SCNN1B: variants seen among roughly 807,000 people sequenced by gnomAD.
The protein encoded by SCNN1B is epithelial sodium channel subunit beta.
Under a neutral mutation model 65.3 loss-of-function variants are expected in SCNN1B, and 46 were observed. The observed-to-expected ratio is 0.70, with a 90% CI of 0.56 to 0.90. The LOEUF is 0.90. Among genes scored for constraint, SCNN1B ranks in the 40% least tolerant of loss-of-function variants. The pLI is 0.00. For synonymous variants in SCNN1B, 349 were observed against 330.6 expected (o/e 1.06, Z -0.60); for missense variants, 751 against 830.5 (o/e 0.90, Z 1.18).
chr16:23,292,017 C>T (rs1369364621), intron 2 of SCNN1B, among the ~76,000 whole-genome samples: 1 of 151,912 alleles, frequency 6.6e-6, no homozygotes, highest in Non-Finnish European at 1.5e-5. Flanking sequence ...TCACGCCCCA[C>T]ATCCAATTCT....
chr16:23,360,761 AATTTTTGGTTTTTG>A (rs1236386546), intron 4 of SCNN1B, among the ~76,000 whole-genome samples: 1 of 150,548 alleles, frequency 6.6e-6, no homozygotes, highest in East Asian at 1.9e-4. Flanking sequence ...ACACCTGGCT[AATTTTTGGTTTTTG>A]GTTTTTGGTT....
At position 23,304,236 on chromosome 16, in the gene SCNN1B, C is replaced by T. The variant is rs553840966; in HGVS notation, c.-9+1799C>T. The T allele has an allele frequency of 2.3e-4, 155 of 683,510 alleles. 2 individuals carry two copies. In the African/African-American group the frequency reaches 2.3e-3, roughly 10 times the overall value. 42.3% of individuals were successfully genotyped at this position (683,510 alleles called of 1,614,324 possible). Reference sequence around the variant, plus strand: ...TCCTCTCTTTTCCACTGCTCACATACGGACCCATGAATGCATGCACACACA... The same window carrying T: ...TCCTCTCTTTTCCACTGCTCACATATGGACCCATGAATGCATGCACACACA... On this transcript the variant is annotated intron_variant, in intron 1 of 12. Coordinates refer to ENST00000343070, the MANE Select transcript of SCNN1B (RefSeq NM_000336.3).
At chr16:23,330,085 A>G (rs1479212472) in intron 1 of SCNN1B, among the ~76,000 whole-genome samples, 2 of 152,012 alleles carry the variant, frequency 1.3e-5, no homozygotes, top group Non-Finnish European at 2.9e-5. Context: ...GGCCCAGCTC[A>G]GCAAAACATT....
chr16:23,379,700 A>G (rs1962996927), intron 11 of SCNN1B, among the ~76,000 whole-genome samples: 2 of 152,192 alleles, frequency 1.3e-5, no homozygotes, highest in East Asian at 3.9e-4. Flanking sequence ...TGATGGCACA[A>G]AGTGGGGAGC....
upstream of SCNN1B, among the ~76,000 whole-genome samples, chr16:23,299,059 CTTTTTTTTTT>C (rs552336545): frequency 7.7e-6 from 1 of 130,554 alleles, no homozygotes; most frequent in Non-Finnish European, 1.7e-5. Context: ...TTTTCTTTTT[CTTTTTTTTTT>C]TTTTTTTCGA....
chr16:23,351,831 TTC>T (rs2142019103), intron 2 of SCNN1B, among the ~76,000 whole-genome samples: 1 of 152,304 alleles, frequency 6.6e-6, no homozygotes, highest in East Asian at 1.9e-4. Context: ...CCCATTCATT[TTC>T]TCTCTCTTGA....
At position 23,367,793 on chromosome 16, in the gene SCNN1B, G is replaced by A. The variant is rs549217537; in HGVS notation, c.777-63G>A. ...AGGAGGAAATGAAAGGTGGACGGCA[G>A]ACAGTCGGGGGAGGCATTGCCTGTG... On this transcript the variant is annotated intron_variant, in intron 4 of 12. Transcript: ENST00000343070. 1.2e-5 allele frequency: 15 copies of A among 1,268,682 alleles called. No homozygotes were observed. In the East Asian group the frequency reaches 2.5e-4, roughly 21 times the overall value. The allele number at this position is 1,268,682 out of a possible 1,614,324, so 78.6% of individuals were successfully genotyped here. A position where few individuals can be genotyped will look rare whatever the true frequency, so the allele number is the denominator to read the frequency against.
At chr16:23,305,544 A>AAAAATAT (rs1961182603) in intron 1 of SCNN1B, among the ~76,000 whole-genome samples, 1 of 30,640 alleles carries the variant, frequency 3.3e-5, no homozygotes, top group African/African-American at 4.3e-4. Flanking sequence ...TTATATATAT[A>AAAAATAT]TATATATATA....
chr16:23,378,617 G>C, intron 10 of SCNN1B, 89 bp from the exon 11 acceptor site: 1 of 1,204,032 alleles, frequency 8.3e-7, no homozygotes, highest in Admixed American at 1.7e-5. Flanking sequence ...AAGGGACAGG[G>C]CTGTGGTCTA....
intron 1 of SCNN1B, among the ~76,000 whole-genome samples, chr16:23,340,308 T>C (rs1350934177): frequency 6.6e-6 from 1 of 152,218 alleles, no homozygotes; most frequent in Non-Finnish European, 1.5e-5. Context: ...TAAGGTACAA[T>C]TTATAAGTTT....
rs959449104 is a variant in SCNN1B, at chr16:23,377,524, TC to T, written c.1404+140del. On this transcript the variant is annotated intron_variant, in intron 10 of 12. Transcript: ENST00000343070. ...TTCCTTCCTTCTCTGTTTCCCTCCTTCCTTCCTTCTTTCTCTGCTTTATTCC... is the reference window on the plus strand; with the variant it reads ...TTCCTTCCTTCTCTGTTTCCCTCCTTCTTCCTTCTTTCTCTGCTTTATTCC... 7 of 759,628 alleles carry T rather than the reference TC, an allele frequency of 9.2e-6. No homozygotes were observed. The African/African-American group carries it at 1.0e-4, about 11-fold the overall frequency. The allele number at this position is 759,628 out of a possible 1,614,324, so 47.1% of individuals were successfully genotyped here.
intron 1 of SCNN1B, among the ~76,000 whole-genome samples, chr16:23,279,794 G>A (rs1960758278): frequency 6.6e-6 from 1 of 152,174 alleles, no homozygotes; most frequent in Non-Finnish European, 1.5e-5. Context: ...GACTGATCTG[G>A]AGCCAGGCAG....
chr16:23,335,032 T>A (rs1406805024), intron 1 of SCNN1B, among the ~76,000 whole-genome samples: 3 of 152,088 alleles, frequency 2.0e-5, no homozygotes, highest in Non-Finnish European at 4.4e-5. Flanking sequence ...CTTTTCAATA[T>A]TTTTTTTCTC....
At position 23,355,436 on chromosome 16, in the gene SCNN1B, C is replaced by A. The variant is rs754382247; in HGVS notation, c.723C>A (p.Pro241=). Residue 241 remains proline (P), a synonymous_variant, in exon 4 of 13, where the codon CCC becomes CCA. Coordinates refer to ENST00000343070, the MANE Select transcript of SCNN1B (RefSeq NM_000336.3). ...PQQELVEMSY[P]GEQMILACLF... ...AGGAGCTAGTAGAGATGAGCTACCC[C>A]GGCGAGCAGATGATCCTGGCCTGCC... 6.2e-7 allele frequency: 1 copy of A among 1,614,180 alleles called. No individual in the cohort carries two copies. Among genetic ancestry groups the A allele is most frequent in the Non-Finnish European group, 8.5e-7 (1 of 1,180,034 alleles).
intron 4 of SCNN1B, among the ~76,000 whole-genome samples, chr16:23,357,063 G>A (rs1962435886): frequency 6.6e-6 from 1 of 152,228 alleles, no homozygotes; most frequent in Non-Finnish European, 1.5e-5. Context: ...AGCCAGTCCT[G>A]TTTCTGAGAT....
chr16:23,338,284 G>A (rs1961984548), intron 1 of SCNN1B, among the ~76,000 whole-genome samples: 1 of 152,164 alleles, frequency 6.6e-6, no homozygotes, highest in Non-Finnish European at 1.5e-5. Context: ...GATCCTGACA[G>A]CTTCCCTAAA....
chr16:23,281,222 C>T (rs1200941422), intron 1 of SCNN1B, among the ~76,000 whole-genome samples: 3 of 152,168 alleles, frequency 2.0e-5, no homozygotes, highest in Non-Finnish European at 4.4e-5. Context: ...CATCTTTGGT[C>T]AAGAGTTCAA....
intron 1 of SCNN1B, among the ~76,000 whole-genome samples, chr16:23,304,408 G>A (rs1961151578): frequency 6.6e-6 from 1 of 152,158 alleles, no homozygotes; most frequent in African/African-American, 2.4e-5. Flanking sequence ...TATGACCAAG[G>A]ACAAACACCA....
At chr16:23,302,207 G>A (rs1319904208), upstream of SCNN1B, 1 of 152,474 alleles carries the variant, frequency 6.6e-6, no homozygotes, top group Non-Finnish European at 1.5e-5. Flanking sequence ...GGCCAGGGGA[G>A]CCGGGACCGT....
Sources: allele counts gnomAD v4.1 joint callset (sites outside exome capture counted in the v4.1 genomes callset), GRCh38; gene constraint gnomAD v4.1.1; transcripts MANE v1.5; gene names NCBI Gene and HGNC (gene_info 2026-07-23, HGNC 2026-07-21).